MRPL22: variants seen among roughly 807,000 people sequenced by gnomAD.
MRPL22 encodes mitochondrial ribosomal protein L22, also known as large ribosomal subunit protein uL22m.
Under a neutral mutation model 32.4 loss-of-function variants are expected in MRPL22, and 27 were observed. The ratio of observed to expected loss-of-function variants is 0.83; its 90% CI spans 0.61 to 1.15. The LOEUF is 1.15. Among genes scored for constraint, MRPL22 ranks in the 50% most tolerant of loss-of-function variants. The pLI, the probability that MRPL22 is intolerant of heterozygous loss-of-function variation, is 0.00. For missense variants in MRPL22, 239 were observed against 260.2 expected (o/e 0.92, Z 0.56); for synonymous variants, 86 against 87.3 (o/e 0.99, Z 0.08).
At chr5:154,954,836 G>T (rs1166237846) in intron 3 of MRPL22, among the ~76,000 whole-genome samples, 1 of 152,074 alleles carries the variant, frequency 6.6e-6, no homozygotes, top group Non-Finnish European at 1.5e-5. Flanking sequence ...CTGTCGCCCA[G>T]GCTGGAGTGC....
chr5:154,967,900 A>C lies in MRPL22; in HGVS notation c.*1003A>C, dbSNP rs914275294. Reference sequence around the variant, plus strand: ...ATCTATGTTTTAAACAAACACTTCCAGGTAATTCTGTTGTAGGGGACTACG... The same window carrying C: ...ATCTATGTTTTAAACAAACACTTCCCGGTAATTCTGTTGTAGGGGACTACG... On this transcript the variant is annotated 3_prime_UTR_variant, in exon 7 of 7. Coordinates refer to ENST00000523037, the MANE Select transcript of MRPL22 (RefSeq NM_014180.4). This position sits in a 1 kb window ranked among gnomAD's most constrained non-coding sequence, Gnocchi z 4.7. The C allele has an allele frequency of 3.9e-5, 6 of 152,226 alleles. No individual in the cohort carries two copies. Among genetic ancestry groups the C allele is most frequent in the Non-Finnish European group, 8.8e-5 (6 of 68,038 alleles). The allele number at this position is 152,226 out of a possible 1,614,324, so 9.4% of individuals were successfully genotyped here.
In MRPL22 at chr5:154,964,808, T is replaced by C. The variant is rs146768818; in HGVS notation, c.410-1878T>C. Among the ~76,000 whole-genome samples the C allele has an allele frequency of 4.6e-5, 7 of 152,286 alleles. No homozygotes were observed. The East Asian group carries it at 5.8e-4, about 13-fold the overall frequency. ...TTGATCATTGTGATCTAGTGATCCA[T>C]TGAGTATTTGGAAATTGGTGCTCAA... On this transcript the variant is annotated intron_variant, in intron 6 of 6. Coordinates refer to ENST00000523037, the MANE Select transcript of MRPL22 (RefSeq NM_014180.4).
chr5:154,969,098 G>C lies in MRPL22; in HGVS notation c.*2201G>C, dbSNP rs913886790. On this transcript the variant is annotated 3_prime_UTR_variant, in exon 7 of 7. Transcript: ENST00000523037. ...ATGTTCAGTGATATGGTTTGGCTCT[G>C]TGTTCCCACCCAATCTTATCTCAAA... 2.6e-5 allele frequency: 4 copies of C among 152,194 alleles called. No individual in the cohort carries two copies. Among genetic ancestry groups the C allele is most frequent in the South Asian group, 4.1e-4 (2 of 4,826 alleles). 9.4% of individuals were successfully genotyped at this position (152,194 alleles called of 1,614,324 possible).
At chr5:154,958,019 C>T (rs894834300) in intron 5 of MRPL22, among the ~76,000 whole-genome samples, 2 of 148,552 alleles carry the variant, frequency 1.3e-5, no homozygotes, top group African/African-American at 2.5e-5. Context: ...TGCGTTCAAG[C>T]GATTCTTCTG....
At position 154,956,476 on chromosome 5, in the gene MRPL22, G is replaced by A. The variant is rs185217205; in HGVS notation, c.261+40G>A. ...CTATTACCATATAATTAATAATTTAGGAAAGAAGCTATGAGTTCCCCTCCC... is the reference window on the plus strand; with the variant it reads ...CTATTACCATATAATTAATAATTTAAGAAAGAAGCTATGAGTTCCCCTCCC... On this transcript the variant is annotated intron_variant, in intron 4 of 6. Coordinates refer to ENST00000523037, the MANE Select transcript of MRPL22 (RefSeq NM_014180.4). 6.6e-4 allele frequency: 944 copies of A among 1,427,148 alleles called. 2 individuals carry two copies. The highest frequency in any genetic ancestry group is 2.4e-3 in the Admixed American group (127 of 52,778). 88.4% of individuals were successfully genotyped at this position (1,427,148 alleles called of 1,614,324 possible). A position where few individuals can be genotyped will look rare whatever the true frequency, so the allele number is the denominator to read the frequency against.
At chr5:154,942,916 T>C (rs545556568) in intron 2 of MRPL22, among the ~76,000 whole-genome samples, 1 of 152,324 alleles carries the variant, frequency 6.6e-6, no homozygotes, top group African/African-American at 2.4e-5. Flanking sequence ...CAGTTTGCCT[T>C]TAGTCTTTTC....
chr5:154,953,760 C>T (rs1236478758), intron 3 of MRPL22, among the ~76,000 whole-genome samples: 6 of 145,736 alleles, frequency 4.1e-5, no homozygotes, highest in African/African-American at 1.3e-4. Context: ...GATCTCGGCT[C>T]ACTGCAGCCT....
At chr5:154,956,118 G>A (rs1764625561) in intron 3 of MRPL22, 1 of 368,900 alleles carries the variant, frequency 2.7e-6, no homozygotes, top group Non-Finnish European at 4.8e-6. Context: ...AATGTTGCAA[G>A]TGTTGACACA....
intron 2 of MRPL22, among the ~76,000 whole-genome samples, chr5:154,942,056 A>C (rs1351886572): frequency 6.6e-6 from 1 of 152,232 alleles, no homozygotes; most frequent in Non-Finnish European, 1.5e-5. Flanking sequence ...TATCACTTTT[A>C]TGATATGAGC....
chr5:154,957,045 T>C, intron 4 of MRPL22, 90 bp from the exon 5 acceptor site: 1 of 1,203,700 alleles, frequency 8.3e-7, no homozygotes, highest in Non-Finnish European at 1.2e-6. Context: ...TTTTAGAAGT[T>C]ACTCAAATTA....
intron 2 of MRPL22, among the ~76,000 whole-genome samples, chr5:154,948,436 T>C (rs1764520063): frequency 1.3e-5 from 2 of 152,242 alleles, no homozygotes; most frequent in Non-Finnish European, 2.9e-5. Flanking sequence ...TTCTTGTAAT[T>C]TATTTGTTGG....
At chr5:154,959,950 G>C (rs10041921) in intron 5 of MRPL22, 30 bp from the exon 6 acceptor site, 1 of 1,529,564 alleles carries the variant, frequency 6.5e-7, no homozygotes, top group Admixed American at 1.7e-5. Flanking sequence ...AGGTTTAGCC[G>C]TATAAATGCT....
At chr5:154,960,827 C>G (rs1429528728) in intron 6 of MRPL22, among the ~76,000 whole-genome samples, 1 of 152,142 alleles carries the variant, frequency 6.6e-6, no homozygotes, top group East Asian at 1.9e-4. Flanking sequence ...CTCACTACAG[C>G]AATTACTCCT....
intron 2 of MRPL22, among the ~76,000 whole-genome samples, chr5:154,943,353 C>T (rs1764444776): frequency 6.6e-6 from 1 of 151,734 alleles, no homozygotes; most frequent in African/African-American, 2.4e-5. Context: ...TCAAGTGATC[C>T]TCCTGCCTTG....
chr5:154,948,887 A>G (rs1764525455), intron 2 of MRPL22, among the ~76,000 whole-genome samples: 1 of 152,044 alleles, frequency 6.6e-6, no homozygotes, highest in Non-Finnish European at 1.5e-5. Flanking sequence ...ATTAATTTGT[A>G]TTTTTCCTGG....
At position 154,941,086 on chromosome 5, in the gene MRPL22, G is replaced by A. The variant is rs529269361; in HGVS notation, c.-25G>A. 1.9e-6 allele frequency: 3 copies of A among 1,613,348 alleles called. No homozygotes were observed. Among genetic ancestry groups the A allele is most frequent in the Admixed American group, 1.7e-5 (1 of 60,014 alleles). ...TGTCCAGAAGGCGCTTGAACTCGGC[G>A]GCTTCCGTAGCGGGAGGGCGAAAGA... On this transcript the variant is annotated 5_prime_UTR_variant, in exon 1 of 7. Coordinates refer to ENST00000523037, the MANE Select transcript of MRPL22 (RefSeq NM_014180.4).
chr5:154,958,192 T>C (rs1224485343), intron 5 of MRPL22, among the ~76,000 whole-genome samples: 1 of 152,176 alleles, frequency 6.6e-6, no homozygotes, highest in Non-Finnish European at 1.5e-5. Context: ...GTGCTGGGAT[T>C]ACAGGCGTGA....
chr5:154,953,729 C>T (rs1298281720), intron 3 of MRPL22, among the ~76,000 whole-genome samples: 2 of 146,242 alleles, frequency 1.4e-5, no homozygotes, highest in African/African-American at 5.1e-5. Flanking sequence ...CTCTGTTGCC[C>T]AGGCTGGAGT....
rs1312043107 is a variant in MRPL22 at position 154,941,073 on chromosome 5, G to A, written c.-38G>A. ...TGCGCATGCGTGCTGTCCAGAAGGCGCTTGAACTCGGCGGCTTCCGTAGCG... is the reference window on the plus strand; with the variant it reads ...TGCGCATGCGTGCTGTCCAGAAGGCACTTGAACTCGGCGGCTTCCGTAGCG... On this transcript the variant is annotated 5_prime_UTR_variant, in exon 1 of 7. Coordinates refer to ENST00000523037, the MANE Select transcript of MRPL22 (RefSeq NM_014180.4). 2 of 1,612,844 alleles carry A rather than the reference G, an allele frequency of 1.2e-6. No homozygotes were observed. Among genetic ancestry groups the A allele is most frequent in the African/African-American group, 2.7e-5 (2 of 74,882 alleles).
Sources: allele counts gnomAD v4.1 joint callset (sites outside exome capture counted in the v4.1 genomes callset), GRCh38; gene constraint gnomAD v4.1.1; non-coding constraint Gnocchi (gnomAD v3.1); transcripts MANE v1.5; gene names NCBI Gene and HGNC (gene_info 2026-07-23, HGNC 2026-07-21).